ELMOD2: variants seen among roughly 807,000 people sequenced by gnomAD.
The protein encoded by ELMOD2 is ELMO domain containing 2, also known as ELMO domain-containing protein 2.
ELMOD2 carries 28 observed loss-of-function variants against 41.0 expected under a neutral mutation model. That is an observed-to-expected ratio of 0.68 (90% confidence interval 0.51 to 0.94). The LOEUF (loss-of-function observed/expected upper bound fraction) is 0.94. ELMOD2 is among the 40% of genes least tolerant of loss of function. ELMOD2 has a pLI of 0.00. For missense variants in ELMOD2, 333 were observed against 343.1 expected (o/e 0.97, Z 0.23); for synonymous variants, 106 against 107.2 (o/e 0.99, Z 0.07).
chr4:140,540,398 C>T (rs1160798753), intron 6 of ELMOD2, 97 bp downstream of exon 6: 1 of 1,450,026 alleles, frequency 6.9e-7, no homozygotes, highest in Non-Finnish European at 9.4e-7. Flanking sequence ...TTGATTCATA[C>T]TATCTCTGAA....
chr4:140,525,242 A>G (rs902958463), intron 1 of ELMOD2, 178 bp from the exon 2 acceptor site: 11 of 533,728 alleles, frequency 2.1e-5, no homozygotes, highest in South Asian at 1.7e-4. Context: ...TTGATCATCA[A>G]TTAATAGCGG....
At chr4:140,525,326 C>T in intron 1 of ELMOD2, 94 bp from the exon 2 acceptor site, 1 of 1,286,732 alleles carries the variant, frequency 7.8e-7, no homozygotes, top group Non-Finnish European at 1.1e-6. Flanking sequence ...ATGATAGATA[C>T]ATAATTTGAG....
intron 5 of ELMOD2, among the ~76,000 whole-genome samples, chr4:140,537,961 C>A (rs949086424): frequency 6.6e-6 from 1 of 151,646 alleles, no homozygotes; most frequent in Non-Finnish European, 1.5e-5. Flanking sequence ...CATGTGTGTC[C>A]CTTTTCAGAT....
chr4:140,540,035 G>A lies in ELMOD2; in HGVS notation c.400-133G>A, dbSNP rs1735057112. ...GGGAATAAATGTGCTGCGTGTTTTAGGATAATTGAAAAATGTTCTAAAGTC... is the reference window on the plus strand; with the variant it reads ...GGGAATAAATGTGCTGCGTGTTTTAAGATAATTGAAAAATGTTCTAAAGTC... On this transcript the variant is annotated intron_variant, in intron 5 of 8. Transcript: ENST00000323570. The A allele has an allele frequency of 4.8e-6, 5 of 1,036,164 alleles. No homozygotes were observed. The Admixed American group carries it at 8.6e-5, about 18-fold the overall frequency. The allele number at this position is 1,036,164 out of a possible 1,614,324, so 64.2% of individuals were successfully genotyped here.
intron 1 of ELMOD2, chr4:140,524,500 A>G (rs888120935): frequency 3.8e-5 from 27 of 706,086 alleles, no homozygotes; most frequent in Non-Finnish European, 4.5e-5. Context: ...CTACGCGTGC[A>G]TCCCCTCTGC....
intron 8 of ELMOD2, 105 bp downstream of exon 8, chr4:140,543,691 C>A: frequency 1.1e-6 from 1 of 923,812 alleles, no homozygotes; most frequent in Non-Finnish European, 1.5e-6. Context: ...AAGTATATAA[C>A]TTATGTTTAT....
In ELMOD2 at chr4:140,537,331, T is replaced by G. The variant is rs882930; in HGVS notation, c.270-81T>G. ...TGAAAGCCAGGAAATGCTTTCTAAA[T>G]AGACATATGAACCACAAGCTATGAA... On this transcript the variant is annotated intron_variant, in intron 4 of 8. Coordinates refer to ENST00000323570, the MANE Select transcript of ELMOD2 (RefSeq NM_153702.4). 804,347 of 1,224,476 alleles carry G rather than the reference T, an allele frequency of 0.66. 270,707 individuals are homozygous for G. The highest frequency in any genetic ancestry group is 0.7 in the Non-Finnish European group (651,847 of 936,988). The allele number at this position is 1,224,476 out of a possible 1,614,324, so 75.9% of individuals were successfully genotyped here. A position where few individuals can be genotyped will look rare whatever the true frequency, so the allele number is the denominator to read the frequency against.
chr4:140,547,057 G>T (rs552635800), intron 8 of ELMOD2, among the ~76,000 whole-genome samples: 1 of 152,210 alleles, frequency 6.6e-6, no homozygotes, highest in East Asian at 1.9e-4. Context: ...CTTAAATAAG[G>T]TTCTGCTTTT....
At chr4:140,550,159 T>C (rs1735425903) in intron 8 of ELMOD2, 71 bp from the exon 9 acceptor site, 2 of 1,319,136 alleles carry the variant, frequency 1.5e-6, no homozygotes, top group South Asian at 1.3e-5. Flanking sequence ...TTATATACTT[T>C]GTAAAGATGA....
chr4:140,524,337 G>A (rs2110805516), intron 1 of ELMOD2, 57 bp downstream of exon 1: 1 of 152,226 alleles, frequency 6.6e-6, no homozygotes, highest in East Asian at 1.9e-4. Context: ...TGCACTGAGA[G>A]CGCGCGGGCT....
rs1735476219 is a variant in ELMOD2 at position 140,551,752 on chromosome 4, C to A, written c.*1377C>A. On this transcript the variant is annotated 3_prime_UTR_variant, in exon 9 of 9. Coordinates refer to ENST00000323570, the MANE Select transcript of ELMOD2 (RefSeq NM_153702.4). ...TGGCTAGTATGTGATAGAGCAAGACCTGAGACTTTATAAGTATTTGCTCGT... is the reference window on the plus strand; with the variant it reads ...TGGCTAGTATGTGATAGAGCAAGACATGAGACTTTATAAGTATTTGCTCGT... 1 of 151,986 alleles carries A rather than the reference C, an allele frequency of 6.6e-6. No homozygotes were observed. The highest frequency in any genetic ancestry group is 2.4e-5 in the African/African-American group (1 of 41,408). 9.4% of individuals were successfully genotyped at this position (151,986 alleles called of 1,614,324 possible). A position where few individuals can be genotyped will look rare whatever the true frequency, so the allele number is the denominator to read the frequency against.
chr4:140,542,536 G>A, intron 6 of ELMOD2, 38 bp from the exon 7 acceptor site: 1 of 1,456,314 alleles, frequency 6.9e-7, no homozygotes, highest in Non-Finnish European at 9.5e-7. Context: ...CATTTGAATG[G>A]CGTACATTTG....
chr4:140,528,719 T>G (rs1356181208), intron 3 of ELMOD2, among the ~76,000 whole-genome samples: 1 of 152,158 alleles, frequency 6.6e-6, no homozygotes, highest in African/African-American at 2.4e-5. Context: ...AGAGTAACCT[T>G]TAAAATAGGT....
intron 4 of ELMOD2, among the ~76,000 whole-genome samples, chr4:140,536,090 T>C (rs1382178219): frequency 1.3e-5 from 2 of 152,314 alleles, no homozygotes; most frequent in East Asian, 3.9e-4. Context: ...ACCATGACTT[T>C]CCCAAGGTTA....
At chr4:140,536,797 T>A (rs1228045496) in intron 4 of ELMOD2, among the ~76,000 whole-genome samples, 1 of 152,154 alleles carries the variant, frequency 6.6e-6, no homozygotes, top group African/African-American at 2.4e-5. Flanking sequence ...TTTGAGTTAT[T>A]CAGGTAAGAA....
chr4:140,549,769 C>G (rs919981340), intron 8 of ELMOD2, among the ~76,000 whole-genome samples: 2 of 137,340 alleles, frequency 1.5e-5, no homozygotes, highest in African/African-American at 5.5e-5. Flanking sequence ...CACTGAAGCC[C>G]TGACCTCCTG....
At chr4:140,531,194 T>A (rs1734734595) in intron 3 of ELMOD2, among the ~76,000 whole-genome samples, 1 of 152,214 alleles carries the variant, frequency 6.6e-6, no homozygotes, top group South Asian at 2.1e-4. Flanking sequence ...GTGATTTTAA[T>A]CTATTCAGAG....
chr4:140,534,730 C>A (rs17006086), intron 3 of ELMOD2, among the ~76,000 whole-genome samples: 3 of 151,996 alleles, frequency 2.0e-5, no homozygotes, highest in African/African-American at 4.8e-5. Flanking sequence ...CTATCCTAGA[C>A]GCTCAAGATA....
intron 6 of ELMOD2, among the ~76,000 whole-genome samples, 186 bp downstream of exon 6, chr4:140,540,487 C>T (rs1311392631): frequency 6.6e-6 from 1 of 152,192 alleles, no homozygotes; most frequent in East Asian, 1.9e-4. Context: ...GGCACAGTGG[C>T]TCACGCCTGT....
Sources: allele counts gnomAD v4.1 joint callset (sites outside exome capture counted in the v4.1 genomes callset), GRCh38; gene constraint gnomAD v4.1.1; transcripts MANE v1.5; gene names NCBI Gene and HGNC (gene_info 2026-07-23, HGNC 2026-07-21).